UNC80: variants seen among roughly 807,000 people sequenced by gnomAD.
The protein encoded by UNC80 is unc-80 subunit of NALCN channel complex.
UNC80 carries 164 observed loss-of-function variants against 384.6 expected under a neutral mutation model. The ratio of observed to expected loss-of-function variants is 0.43; its 90% CI spans 0.38 to 0.49. The LOEUF (loss-of-function observed/expected upper bound fraction) is 0.49. Ranked by LOEUF, UNC80 falls within the 20% of genes least tolerant of loss-of-function variation. The pLI is 0.00. For synonymous variants in UNC80, 1,486 were observed against 1,527.8 expected (o/e 0.97, Z 0.64); for missense variants, 3,330 against 4,143.0 (o/e 0.80, Z 5.39).
intron 61 of UNC80, among the ~76,000 whole-genome samples, chr2:209,990,952 G>T (rs968850634): frequency 6.6e-6 from 1 of 152,218 alleles, no homozygotes; most frequent in African/African-American, 2.4e-5. Flanking sequence ...TAGTGGAAGT[G>T]TAAGACTTTT....
Position 209,776,052 on chromosome 2 carries a change from G to A in UNC80, c.298+7G>A, listed in dbSNP as rs994916255. On this transcript the variant is annotated splice_region_variant and intron_variant, in intron 3 of 64. Coordinates refer to ENST00000673920, the MANE Select transcript of UNC80 (RefSeq NM_001371986.1). ...TCAAACCGAAACAAGCTAGGTTGGT[G>A]CCCCGCATTACTTCTTTATTGCATG... 6.2e-7 allele frequency: 1 copy of A among 1,613,822 alleles called. No homozygotes were observed. Among genetic ancestry groups the A allele is most frequent in the Non-Finnish European group, 8.5e-7 (1 of 1,179,944 alleles).
At position 209,965,934 on chromosome 2, in the gene UNC80, C is replaced by CAA. The variant is rs112429893; in HGVS notation, c.7806-1487_7806-1486dup. ...GAGCTTTTCCAGTACAAACTTGTCT[C>CAA]AAAAAAAAAAAAAAAAATCTTATTT... On this transcript the variant is annotated intron_variant, in intron 51 of 64. Coordinates refer to ENST00000673920, the MANE Select transcript of UNC80 (RefSeq NM_001371986.1). Among the ~76,000 whole-genome samples, 641 of 125,808 alleles carry CAA rather than the reference C, an allele frequency of 5.1e-3. 2 individuals are homozygous for CAA. Among genetic ancestry groups the CAA allele is most frequent in the African/African-American group, 0.017 (608 of 35,366 alleles). 82.5% of individuals were successfully genotyped at this position (125,808 alleles called of 152,430 possible).
chr2:209,813,771 T>C lies in UNC80; in HGVS notation c.1130T>C (p.Leu377Pro), dbSNP rs1168617828. The C allele has an allele frequency of 1.7e-5, 27 of 1,551,896 alleles. No homozygotes were observed. The highest frequency in any genetic ancestry group is 2.1e-5 in the Non-Finnish European group (24 of 1,147,060). The change falls in exon 8 of 65, where the codon CTC (leucine) becomes CCC (proline). Residue 377 changes from leucine to proline, a missense_variant. By Grantham distance (98) the Leu-to-Pro change is moderately conservative. Transcript: ENST00000673920. ...PEKPPEPDIP[L>P]LPRPRSSSMV... ...AAGCCTCCGGAGCCAGATATTCCTC[T>C]CCTGCCCAGACCCAGGAGTAGCTCC... is the stretch of plus-strand genomic sequence containing the variant.
Position 209,957,732 on chromosome 2 carries a change from A to T in UNC80, c.7546A>T (p.Thr2516Ser), listed in dbSNP as rs1015683191. ...ANHTMSSGVNTRYQEQGAKLH... is the reference protein window; with the variant it reads ...ANHTMSSGVNSRYQEQGAKLH... ...TCACACCATGTCGTCTGGGGTGAACACCAGGTAATTCACTGCGCCTTATTC... is the reference window on the plus strand; with the variant it reads ...TCACACCATGTCGTCTGGGGTGAACTCCAGGTAATTCACTGCGCCTTATTC... Residue 2516 changes from threonine to serine, a missense_variant, in exon 49 of 65, where the codon ACC (threonine) becomes TCC (serine). Thr to Ser is a moderately conservative substitution (Grantham distance 58). Coordinates refer to ENST00000673920, the MANE Select transcript of UNC80 (RefSeq NM_001371986.1). 11 of 1,551,420 alleles carry T rather than the reference A, an allele frequency of 7.1e-6. No individual in the cohort carries two copies. The South Asian group carries it at 1.3e-4, about 18-fold the overall frequency.
intron 59 of UNC80, among the ~76,000 whole-genome samples, chr2:209,979,651 A>T (rs2093108370): frequency 1.3e-5 from 2 of 152,234 alleles, no homozygotes. Context: ...AGGTTATAAA[A>T]AGTAAAATTA....
intron 26 of UNC80, among the ~76,000 whole-genome samples, chr2:209,892,618 T>C (rs971343394): frequency 6.6e-6 from 1 of 152,178 alleles, no homozygotes; most frequent in Non-Finnish European, 1.5e-5. Context: ...GTCATAAAAT[T>C]GGGCAAAGAA....
At chr2:209,827,653 G>T (rs181819258) in intron 14 of UNC80, among the ~76,000 whole-genome samples, 4 of 152,268 alleles carry the variant, frequency 2.6e-5, no homozygotes, top group African/African-American at 9.6e-5. Context: ...TTGTCCAAGA[G>T]ATATAAATAT....
rs912453284 is a variant in UNC80, at chr2:209,976,895, G to A, written c.8773-18G>A. The A allele has an allele frequency of 1.3e-6, 2 of 1,504,784 alleles. No individual in the cohort carries two copies. The highest frequency in any genetic ancestry group is 1.4e-5 in the African/African-American group (1 of 72,148). 93.2% of individuals were successfully genotyped at this position (1,504,784 alleles called of 1,614,324 possible). The stretch of plus-strand genomic sequence containing the variant: ...GATGGAAAATTGAGGCCCTGAGAAT[G>A]TTATGCCTTCCTTTCAGCTGCTGGC... On this transcript the variant is annotated intron_variant, in intron 57 of 64. Coordinates refer to ENST00000673920, the MANE Select transcript of UNC80 (RefSeq NM_001371986.1). The surrounding 1 kb of genome is among the most constrained non-coding windows in gnomAD (Gnocchi z 4.3).
At chr2:209,990,868 C>T (rs1268980811) in intron 61 of UNC80, among the ~76,000 whole-genome samples, 1 of 152,184 alleles carries the variant, frequency 6.6e-6, no homozygotes, top group Non-Finnish European at 1.5e-5. Flanking sequence ...TTATTGTGAA[C>T]CCCAAATGGT....
intron 61 of UNC80, among the ~76,000 whole-genome samples, chr2:209,987,133 C>T (rs1052658584): frequency 6.6e-6 from 1 of 152,184 alleles, no homozygotes; most frequent in Non-Finnish European, 1.5e-5. Context: ...CTCCCATGCT[C>T]TTACAACATT....
intron 25 of UNC80, among the ~76,000 whole-genome samples, chr2:209,882,510 T>C (rs116101767): frequency 0.015 from 2,355 of 152,312 alleles, 77 homozygotes; most frequent in African/African-American, 0.053. Flanking sequence ...CACCCACATT[T>C]GGACTGTGAC....
intron 48 of UNC80, among the ~76,000 whole-genome samples, chr2:209,955,738 T>TATATACACACAC (rs1437539911): frequency 1.9e-5 from 1 of 53,556 alleles, no homozygotes; most frequent in Non-Finnish European, 3.1e-5. Context: ...TATATATATA[T>TATATACACACAC]ACACACACAC....
chr2:209,790,617 T>C (rs1451482265), intron 6 of UNC80, among the ~76,000 whole-genome samples: 1 of 152,158 alleles, frequency 6.6e-6, no homozygotes, highest in East Asian at 1.9e-4. Flanking sequence ...TCAGGGTCAG[T>C]GGATTATAAG....
rs1300206287 is a variant in UNC80 at position 209,945,197 on chromosome 2, C to A, written c.7189+8C>A. The A allele has an allele frequency of 1.3e-6, 2 of 1,545,228 alleles. No homozygotes were observed. The highest frequency in any genetic ancestry group is 1.7e-6 in the Non-Finnish European group (2 of 1,145,036). On this transcript the variant is annotated splice_region_variant and intron_variant, in intron 46 of 64. Coordinates refer to ENST00000673920, the MANE Select transcript of UNC80 (RefSeq NM_001371986.1). ...AGCCTCTCAAGTCATTAGGTAAAAG[C>A]AAAACTTGCTTTGACATTCTTTTTC...
intron 25 of UNC80, among the ~76,000 whole-genome samples, chr2:209,882,990 T>C (rs2085432899): frequency 6.6e-6 from 1 of 152,218 alleles, no homozygotes; most frequent in African/African-American, 2.4e-5. Flanking sequence ...TTACTTTATG[T>C]CACCTTTAAT....
In UNC80 at chr2:209,910,839, A is replaced by G. The variant is rs112525511; in HGVS notation, c.4783-1721A>G. ...TTTCAAATAATTGTAATGGAAAAAT[A>G]CTCTTTATAAAATCATAGTAAAATG... On this transcript the variant is annotated intron_variant, in intron 29 of 64. Coordinates refer to ENST00000673920, the MANE Select transcript of UNC80 (RefSeq NM_001371986.1). Among the ~76,000 whole-genome samples the G allele has an allele frequency of 1.8e-3, 270 of 152,170 alleles. 1 individual carries two copies. The highest frequency in any genetic ancestry group is 6.3e-3 in the African/African-American group (261 of 41,528).
intron 11 of UNC80, among the ~76,000 whole-genome samples, chr2:209,818,789 A>T (rs1325772600): frequency 1.3e-5 from 2 of 152,188 alleles, no homozygotes; most frequent in Non-Finnish European, 2.9e-5. Context: ...CATTTTCTAC[A>T]ATCTTTAATA....
chr2:209,969,086 A>G (rs562297622), intron 52 of UNC80: 2 of 152,380 alleles, frequency 1.3e-5, no homozygotes, highest in South Asian at 2.1e-4. Context: ...AATACTGTTA[A>G]TATCAGTAAA....
chr2:209,817,506 A>G lies in UNC80; in HGVS notation c.1553-306A>G, dbSNP rs542213670. Among the ~76,000 whole-genome samples, 14 of 151,564 alleles carry G rather than the reference A, an allele frequency of 9.2e-5. No homozygotes were observed. The East Asian group carries it at 2.5e-3, about 27-fold the overall frequency. Reference sequence around the variant, plus strand: ...GAAAAAAAATATATATATTATATATATTTTCTTTCTGGATTGCATACTAAA... The same window carrying G: ...GAAAAAAAATATATATATTATATATGTTTTCTTTCTGGATTGCATACTAAA... On this transcript the variant is annotated intron_variant, in intron 10 of 64. Coordinates refer to ENST00000673920, the MANE Select transcript of UNC80 (RefSeq NM_001371986.1).
Sources: gnomAD v4.1 joint callset for allele counts (sites outside exome capture counted in the v4.1 genomes callset) on GRCh38, gnomAD v4.1.1 for gene constraint, Gnocchi (gnomAD v3.1) non-coding constraint, MANE v1.5 for transcripts, NCBI Gene and HGNC (gene_info 2026-07-23, HGNC 2026-07-21) for gene names.